The following GOSR2 variants were observed in gnomAD, a reference collection of about 807,000 sequenced individuals.
GOSR2 encodes the protein golgi SNAP receptor complex member 2, also known as 27 kDa Golgi SNARE protein.
In GOSR2, 20 loss-of-function variants were observed where a neutral mutation model predicts 27.9. That is an observed-to-expected ratio of 0.72 (90% confidence interval 0.50 to 1.04). The LOEUF is 1.04. Among genes scored for constraint, GOSR2 ranks in the 50% least tolerant of loss-of-function variants. The pLI is 0.00. For synonymous variants in GOSR2, 91 were observed against 98.8 expected (o/e 0.92, Z 0.47); for missense variants, 261 against 270.5 (o/e 0.97, Z 0.25).
At chr17:46,934,201 C>G (rs1041335820) in intron 4 of GOSR2, among the ~76,000 whole-genome samples, 6 of 152,208 alleles carry the variant, frequency 3.9e-5, no homozygotes, top group Admixed American at 3.9e-4. Context: ...GGACACACTT[C>G]CAGCTGTGTG....
At chr17:46,972,699 C>T (rs529112824) in intron 6 of GOSR2, among the ~76,000 whole-genome samples, 6 of 152,304 alleles carry the variant, frequency 3.9e-5, no homozygotes, top group Admixed American at 6.5e-5. Flanking sequence ...TGCTCTGTAG[C>T]CCCAAACCCT....
chr17:46,933,799 C>CA (rs1264499088), intron 4 of GOSR2, among the ~76,000 whole-genome samples: 3 of 151,392 alleles, frequency 2.0e-5, no homozygotes, highest in Non-Finnish European at 2.9e-5. Flanking sequence ...ATTGTCTCTA[C>CA]AAAAAAATAT....
chr17:46,962,397 C>T (rs1232042253), intron 6 of GOSR2, among the ~76,000 whole-genome samples: 1 of 152,064 alleles, frequency 6.6e-6, no homozygotes, highest in Non-Finnish European at 1.5e-5. Context: ...AACCATGCCT[C>T]CCAGTGTTCA....
downstream of GOSR2, among the ~76,000 whole-genome samples, chr17:46,945,286 G>A (rs969797482): frequency 6.6e-6 from 1 of 152,182 alleles, no homozygotes; most frequent in African/African-American, 2.4e-5. Flanking sequence ...GAAACTTGCT[G>A]CTCAGAGGCC....
intron 6 of GOSR2, among the ~76,000 whole-genome samples, chr17:46,965,797 A>ATTT (rs74700472): frequency 3.6e-5 from 5 of 137,648 alleles, no homozygotes; most frequent in Non-Finnish European, 6.3e-5. Flanking sequence ...TAATTTTTGT[A>ATTT]TTTTTTTTTT....
chr17:46,965,466 A>G (rs2091273342), intron 6 of GOSR2, among the ~76,000 whole-genome samples: 1 of 152,032 alleles, frequency 6.6e-6, no homozygotes, highest in Non-Finnish European at 1.5e-5. Context: ...GGCACCCTGG[A>G]GCAGTTCCCA....
intron 5 of GOSR2, chr17:46,936,073 G>A: frequency 2.0e-6 from 2 of 985,860 alleles, no homozygotes. Context: ...AGAGGGTCAG[G>A]CAAGCTGCAA....
At chr17:46,949,435 C>T (rs1326181613) in intron 6 of GOSR2, 1 of 152,136 alleles carries the variant, frequency 6.6e-6, no homozygotes, top group African/African-American at 2.4e-5. Context: ...TTCTGCCATA[C>T]TCCTTTGGCC....
intron 6 of GOSR2, among the ~76,000 whole-genome samples, chr17:46,959,641 C>T (rs2090941381): frequency 6.6e-6 from 1 of 152,212 alleles, no homozygotes; most frequent in African/African-American, 2.4e-5. Flanking sequence ...ATACCAACTC[C>T]CATGGATAGC....
At chr17:46,953,198 T>TC (rs1480371654) in intron 6 of GOSR2, among the ~76,000 whole-genome samples, 1 of 146,148 alleles carries the variant, frequency 6.8e-6, no homozygotes, top group Non-Finnish European at 1.5e-5. Context: ...CCCTCCCCAC[T>TC]CCCCCCACCC....
At chr17:46,926,252 G>C (rs1281613234) in intron 1 of GOSR2, among the ~76,000 whole-genome samples, 1 of 152,144 alleles carries the variant, frequency 6.6e-6, no homozygotes, top group Non-Finnish European at 1.5e-5. Flanking sequence ...TGACCAGATT[G>C]TTGCCACTAC....
At chr17:46,946,974 AACTG>A (rs1367956922), downstream of GOSR2, among the ~76,000 whole-genome samples, 66 of 152,320 alleles carry the variant, frequency 4.3e-4, no homozygotes, top group Admixed American at 2.2e-3. Flanking sequence ...AGGAGGCTGC[AACTG>A]ACTGCTGCCC....
Position 46,940,046 on chromosome 17 carries a change from C to A in GOSR2, c.*1286C>A. The A allele has an allele frequency of 1.9e-6, 2 of 1,066,014 alleles. No individual in the cohort carries two copies. Among genetic ancestry groups the A allele is most frequent in the Non-Finnish European group, 2.3e-6 (2 of 879,482 alleles). The allele number at this position is 1,066,014 out of a possible 1,614,324, so 66.0% of individuals were successfully genotyped here. A position where few individuals can be genotyped will look rare whatever the true frequency, so the allele number is the denominator to read the frequency against. On this transcript the variant is annotated 3_prime_UTR_variant, in exon 6 of 6. Coordinates refer to ENST00000640051, the MANE Select transcript of GOSR2 (RefSeq NM_004287.5). ...CCTACCTTTGGTTGTCCTGCCCTAC[C>A]TGCTCTGTTAGTTTCTTGTTGCTTG...
intron 3 of GOSR2, chr17:46,931,521 G>C (rs1598984117): frequency 2.4e-6 from 1 of 424,800 alleles, no homozygotes; most frequent in East Asian, 4.8e-5. Context: ...ATGGAGTTTT[G>C]TTCTGCTCTT....
intron 6 of GOSR2, among the ~76,000 whole-genome samples, chr17:46,962,546 G>C (rs1371458602): frequency 6.6e-6 from 1 of 152,192 alleles, no homozygotes; most frequent in African/African-American, 2.4e-5. Context: ...GCACTTTTGG[G>C]AAGAAAGCTG....
chr17:46,961,452 T>A (rs2091044649), intron 6 of GOSR2, among the ~76,000 whole-genome samples: 1 of 152,130 alleles, frequency 6.6e-6, no homozygotes, highest in African/African-American at 2.4e-5. Context: ...AGAGGATTGC[T>A]TAAGCTCAGG....
intron 6 of GOSR2, among the ~76,000 whole-genome samples, chr17:46,972,459 C>T (rs1196855151): frequency 6.6e-6 from 1 of 152,238 alleles, no homozygotes; most frequent in Non-Finnish European, 1.5e-5. Flanking sequence ...ACACTGGGCA[C>T]CCCGAGCCCT....
intron 6 of GOSR2, among the ~76,000 whole-genome samples, chr17:46,947,845 C>T (rs1356321889): frequency 6.6e-6 from 1 of 152,158 alleles, no homozygotes; most frequent in African/African-American, 2.4e-5. Flanking sequence ...CTCGGCTCAC[C>T]GTAACCTCCG....
chr17:46,935,456 G>A (rs1279397214), intron 5 of GOSR2: 1 of 1,391,430 alleles, frequency 7.2e-7, no homozygotes, highest in African/African-American at 1.4e-5. Context: ...CTACTACGAG[G>A]GGTCCAATCA....
Sources: allele counts gnomAD v4.1 joint callset (sites outside exome capture counted in the v4.1 genomes callset), GRCh38; gene constraint gnomAD v4.1.1; transcripts MANE v1.5; gene names NCBI Gene and HGNC (gene_info 2026-07-23, HGNC 2026-07-21).